Variants in DNAJC24 observed in about 807,000 individuals in gnomAD.
DNAJC24 encodes dnaJ homolog subfamily C member 24.
DNAJC24 carries 17 observed loss-of-function variants against 18.0 expected under a neutral mutation model. The ratio of observed to expected loss-of-function variants is 0.94; its 90% CI spans 0.65 to 1.42. The LOEUF (loss-of-function observed/expected upper bound fraction) is 1.42, where lower values mean the gene tolerates loss of function less well. Among genes scored for constraint, DNAJC24 ranks in the 40% most tolerant of loss-of-function variants. The pLI is 0.00. For missense variants in DNAJC24, 158 were observed against 175.6 expected, an observed-to-expected ratio of 0.90 and a Z score of 0.57; for synonymous variants, 55 against 57.7, an observed-to-expected ratio of 0.95 and a Z score of 0.21.
intron 2 of DNAJC24, among the ~76,000 whole-genome samples, chr11:31,371,954 G>T (rs1466521363): frequency 1.3e-5 from 2 of 150,500 alleles, no homozygotes; most frequent in African/African-American, 2.4e-5. Context: ...CTCCCAAGTA[G>T]CTGGGATTAA....
At chr11:31,405,412 A>G (rs1952648022) in intron 2 of DNAJC24, among the ~76,000 whole-genome samples, 1 of 147,152 alleles carries the variant, frequency 6.8e-6, no homozygotes. Flanking sequence ...GGCCTTGACC[A>G]TATTTAAGTC....
At chr11:31,380,333 C>T (rs555096242) in intron 2 of DNAJC24, among the ~76,000 whole-genome samples, 6 of 152,232 alleles carry the variant, frequency 3.9e-5, no homozygotes, top group Middle Eastern at 3.4e-3. Flanking sequence ...TAACATGCAA[C>T]GAACTTACAG....
At chr11:31,419,599 G>A (rs1952784801) in intron 3 of DNAJC24, among the ~76,000 whole-genome samples, 1 of 151,964 alleles carries the variant, frequency 6.6e-6, no homozygotes, top group Non-Finnish European at 1.5e-5. Flanking sequence ...CACTTGAACA[G>A]ACTTGGTAGT....
intron 2 of DNAJC24, among the ~76,000 whole-genome samples, chr11:31,405,066 CTTTTTTTTG>C (rs1357597205): frequency 1.5e-5 from 2 of 132,010 alleles, no homozygotes; most frequent in Non-Finnish European, 3.2e-5. Context: ...ATTAGGAATT[CTTTTTTTTG>C]TTTTTTTTTT....
At chr11:31,387,107 A>G (rs1264214247) in intron 2 of DNAJC24, among the ~76,000 whole-genome samples, 2 of 152,150 alleles carry the variant, frequency 1.3e-5, no homozygotes, top group Non-Finnish European at 2.9e-5. Flanking sequence ...ATAGACTCCT[A>G]CGATTCCAAC....
At chr11:31,401,432 TTC>T (rs1952600247) in intron 2 of DNAJC24, among the ~76,000 whole-genome samples, 1 of 152,082 alleles carries the variant, frequency 6.6e-6, no homozygotes. Context: ...CCTCCTCCTC[TTC>T]TGTTTTCTTA....
chr11:31,430,295 G>A lies in DNAJC24; in HGVS notation c.344G>A (p.Cys115Tyr). ...GGTGATCACTCTTTTTATCTGAGTTGCAGATGTGGTGGAAAATACAGTGTT... is the reference window on the plus strand; with the variant it reads ...GGTGATCACTCTTTTTATCTGAGTTACAGATGTGGTGGAAAATACAGTGTT... ...NEGDHSFYLSCRCGGKYSVSK... is the reference protein window; with the variant it reads ...NEGDHSFYLSYRCGGKYSVSK... Residue 115 changes from cysteine to tyrosine, a missense_variant, in exon 5 of 5, where the codon TGC becomes TAC. By Grantham distance (194) the Cys-to-Tyr change is radical. Transcript: ENST00000465995. The A allele has an allele frequency of 6.2e-7, 1 of 1,609,554 alleles. No individual in the cohort carries two copies. Among genetic ancestry groups the A allele is most frequent in the Non-Finnish European group, 8.5e-7 (1 of 1,177,180 alleles).
chr11:31,380,630 A>G (rs2133470031), intron 2 of DNAJC24, among the ~76,000 whole-genome samples: 1 of 152,220 alleles, frequency 6.6e-6, no homozygotes, highest in East Asian at 1.9e-4. Context: ...GTTTCTTATT[A>G]GGATGTATTT....
At chr11:31,420,524 GGTTTTTA>G (rs541647373) in intron 3 of DNAJC24, among the ~76,000 whole-genome samples, 2 of 151,984 alleles carry the variant, frequency 1.3e-5, no homozygotes, top group Non-Finnish European at 2.9e-5. Context: ...ATAATGGATT[GGTTTTTA>G]GTCATTTTCT....
chr11:31,380,608 G>C (rs112601646), intron 2 of DNAJC24, among the ~76,000 whole-genome samples: 2 of 151,886 alleles, frequency 1.3e-5, no homozygotes, highest in African/African-American at 4.8e-5. Context: ...AAAATAACTC[G>C]AACTTTATTA....
At chr11:31,426,072 A>T (rs1320238669) in intron 3 of DNAJC24, among the ~76,000 whole-genome samples, 2 of 152,172 alleles carry the variant, frequency 1.3e-5, no homozygotes, top group Admixed American at 1.3e-4. Flanking sequence ...ATTGATTTTG[A>T]CAAAAAATTT....
intron 2 of DNAJC24, among the ~76,000 whole-genome samples, chr11:31,401,553 C>CT (rs1952601569): frequency 6.6e-6 from 1 of 151,964 alleles, no homozygotes; most frequent in Non-Finnish European, 1.5e-5. Flanking sequence ...ACTTCCTCCT[C>CT]TGTTTTTCTC....
chr11:31,400,217 A>G (rs1343899802), intron 2 of DNAJC24, among the ~76,000 whole-genome samples: 2 of 152,170 alleles, frequency 1.3e-5, no homozygotes, highest in African/African-American at 4.8e-5. Flanking sequence ...CTGCATAAAC[A>G]TATGTGTGCA....
At chr11:31,379,414 A>G (rs943116962) in intron 2 of DNAJC24, among the ~76,000 whole-genome samples, 4 of 152,210 alleles carry the variant, frequency 2.6e-5, no homozygotes, top group South Asian at 4.1e-4. Context: ...ACCCCCATCC[A>G]TGGAAAAATT....
chr11:31,425,613 C>G lies in DNAJC24; in HGVS notation c.251-674C>G, dbSNP rs957043948. On this transcript the variant is annotated intron_variant, in intron 3 of 4. Coordinates refer to ENST00000465995, the MANE Select transcript of DNAJC24 (RefSeq NM_181706.5). ...TGGGTGCGTGTGGAAAGAGATCACT[C>G]TCTAATCCCTTCCCTTTAAGGCCAC... Among the ~76,000 whole-genome samples, 104 of 152,096 alleles carry G rather than the reference C, an allele frequency of 6.8e-4. 2 individuals are homozygous for G. The highest frequency in any genetic ancestry group is 1.5e-4 in the Non-Finnish European group (10 of 68,020).
chr11:31,388,509 A>G (rs550913599), intron 2 of DNAJC24, among the ~76,000 whole-genome samples: 1 of 152,326 alleles, frequency 6.6e-6, no homozygotes, highest in East Asian at 1.9e-4. Context: ...AGAATAGTAT[A>G]TCCAGCAAAA....
At chr11:31,422,885 G>A (rs1490215937) in intron 3 of DNAJC24, among the ~76,000 whole-genome samples, 1 of 152,052 alleles carries the variant, frequency 6.6e-6, no homozygotes, top group Non-Finnish European at 1.5e-5. Context: ...CCCATCCTTG[G>A]ACACCTGCCT....
intron 2 of DNAJC24, among the ~76,000 whole-genome samples, chr11:31,398,634 C>G (rs773999800): frequency 6.6e-6 from 1 of 151,758 alleles, no homozygotes; most frequent in African/African-American, 2.4e-5. Context: ...TGTTTTTTTC[C>G]CATCTCAGGG....
chr11:31,390,501 A>AT (rs1952482917), intron 2 of DNAJC24, among the ~76,000 whole-genome samples: 1 of 151,544 alleles, frequency 6.6e-6, no homozygotes, highest in Non-Finnish European at 1.5e-5. Context: ...AGGTCAAGAG[A>AT]TCGAGACCTT....
Sources: gnomAD v4.1 joint callset for allele counts (sites outside exome capture counted in the v4.1 genomes callset) on GRCh38, gnomAD v4.1.1 for gene constraint, MANE v1.5 for transcripts, NCBI Gene and HGNC (gene_info 2026-07-23, HGNC 2026-07-21) for gene names.